Variants in TNS1 observed in about 807,000 individuals in gnomAD.
TNS1 encodes the protein tensin-1.
TNS1 carries 62 observed loss-of-function variants against 168.6 expected under a neutral mutation model. The observed-to-expected ratio is 0.37, with a 90% CI of 0.30 to 0.45. TNS1 has a LOEUF of 0.45. Ranked by LOEUF, TNS1 falls within the 20% of genes least tolerant of loss-of-function variation. TNS1 has a pLI of 1.00. For synonymous variants in TNS1, 934 were observed against 933.2 expected, an observed-to-expected ratio of 1.00 and a Z score of -0.02; for missense variants, 2,240 against 2,339.4, an observed-to-expected ratio of 0.96 and a Z score of 0.88.
intron 6 of TNS1, 150 bp downstream of exon 6, chr2:217,906,185 G>A: frequency 5.0e-6 from 3 of 601,762 alleles, no homozygotes; most frequent in Non-Finnish European, 8.9e-6. Flanking sequence ...CAGCCTGTAA[G>A]GAAATGGGCC....
chr2:217,816,242 C>T (rs182821544), intron 24 of TNS1, among the ~76,000 whole-genome samples: 39 of 152,228 alleles, frequency 2.6e-4, no homozygotes, highest in Middle Eastern at 3.4e-3. Flanking sequence ...CTTCCTTCAG[C>T]TTTTGGCACC....
intron 3 of TNS1, among the ~76,000 whole-genome samples, chr2:217,926,754 G>T (rs1956049099): frequency 6.6e-6 from 1 of 152,198 alleles, no homozygotes; most frequent in South Asian, 2.1e-4. Context: ...CCACCCACGA[G>T]GCAAGCATTA....
At chr2:217,895,848 G>T (rs1409469318) in intron 8 of TNS1, among the ~76,000 whole-genome samples, 3 of 152,190 alleles carry the variant, frequency 2.0e-5, no homozygotes, top group Non-Finnish European at 4.4e-5. Flanking sequence ...GTCATCTCCT[G>T]GGGAGAAAAG....
intron 1 of TNS1, among the ~76,000 whole-genome samples, chr2:218,008,831 CCTGCCTAATGGT>C (rs1958681647): frequency 6.6e-6 from 1 of 152,146 alleles, no homozygotes; most frequent in African/African-American, 2.4e-5. Context: ...CCAACTCTGG[CCTGCCTAATGGT>C]CTGCAAGATC....
At chr2:217,947,037 T>G (rs1301750959) in intron 3 of TNS1, among the ~76,000 whole-genome samples, 2 of 148,390 alleles carry the variant, frequency 1.3e-5, no homozygotes, top group African/African-American at 5.1e-5. Context: ...GCCCCCTGGC[T>G]CCCTCCTCCC....
At chr2:217,828,788 T>C (rs759100239) in intron 22 of TNS1, among the ~76,000 whole-genome samples, 1 of 152,224 alleles carries the variant, frequency 6.6e-6, no homozygotes, top group Non-Finnish European at 1.5e-5. Flanking sequence ...CAATGCATTA[T>C]TGTATACACG....
intron 1 of TNS1, among the ~76,000 whole-genome samples, chr2:218,015,863 G>A (rs1958755121): frequency 6.6e-6 from 1 of 152,234 alleles, no homozygotes; most frequent in Non-Finnish European, 1.5e-5. Context: ...GTCTTGATTA[G>A]CCCTCTGCCC....
intron 18 of TNS1, chr2:217,858,391 C>T: frequency 2.2e-6 from 1 of 453,862 alleles, no homozygotes; most frequent in Non-Finnish European, 2.9e-6. Context: ...CCTGCCCCTC[C>T]ACACCCTCCC....
chr2:217,924,295 G>GTT, intron 3 of TNS1, among the ~76,000 whole-genome samples: 1 of 151,014 alleles, frequency 6.6e-6, no homozygotes, highest in South Asian at 2.1e-4. Flanking sequence ...ATTCCCTTAT[G>GTT]TTTCTCTCTC....
At chr2:217,929,585 T>C (rs1026326669) in intron 3 of TNS1, among the ~76,000 whole-genome samples, 1 of 151,984 alleles carries the variant, frequency 6.6e-6, no homozygotes, top group Non-Finnish European at 1.5e-5. Flanking sequence ...CCCGTCAGCA[T>C]CCTGGTTTCA....
chr2:217,949,579 G>T lies in TNS1; in HGVS notation c.186+29186C>A, dbSNP rs968107451. The stretch of plus-strand genomic sequence containing the variant: ...TCCTGGAGACAAGAGAGAAAGCTGA[G>T]TAGATTCCTAGCCAGCAAGCAAAGG... On this transcript the variant is annotated intron_variant, in intron 3 of 32. Coordinates refer to ENST00000682258, the MANE Select transcript of TNS1 (RefSeq NM_001387777.1). Among the ~76,000 whole-genome samples, 6 of 152,232 alleles carry T rather than the reference G, an allele frequency of 3.9e-5. No individual in the cohort carries two copies. The South Asian group carries it at 1.0e-3, about 26-fold the overall frequency.
intron 17 of TNS1, chr2:217,881,274 C>A: frequency 2.4e-6 from 1 of 415,510 alleles, no homozygotes; most frequent in Non-Finnish European, 4.3e-6. Flanking sequence ...AATGAAGACC[C>A]CCTGGAAGAA....
chr2:217,813,227 C>T lies in TNS1; in HGVS notation c.4942G>A (p.Glu1648Lys), dbSNP rs1420883015. Residue 1648 changes from glutamate to lysine, a missense_variant, in exon 27 of 33, where the codon GAG becomes AAG. Glu to Lys is a moderately conservative substitution (Grantham distance 56). Coordinates refer to ENST00000682258, the MANE Select transcript of TNS1 (RefSeq NM_001387777.1). The surrounding 1 kb of genome is among the most constrained non-coding windows in gnomAD (Gnocchi z 4.0). ...GGGGACAGCTCACCGAAGTTTGGCT[C>T]ATTGGGGCAGCCCTTGAGCTTGACT... is the stretch of plus-strand genomic sequence containing the variant. ...RGVKLKGCPN[E>K]PNFGSLSALV... 2 of 1,603,176 alleles carry T rather than the reference C, an allele frequency of 1.2e-6. No homozygotes were observed. Among genetic ancestry groups the T allele is most frequent in the South Asian group, 2.3e-5 (2 of 88,768 alleles).
At chr2:217,878,753 G>A (rs1559286879) in intron 18 of TNS1, among the ~76,000 whole-genome samples, 1 of 152,184 alleles carries the variant, frequency 6.6e-6, no homozygotes, top group Admixed American at 6.5e-5. Context: ...TCAAACCGAG[G>A]CCCCAAGGAC....
At chr2:218,030,486 G>A (rs1419533761) in intron 1 of TNS1, among the ~76,000 whole-genome samples, 1 of 152,254 alleles carries the variant, frequency 6.6e-6, no homozygotes, top group African/African-American at 2.4e-5. Context: ...AAGGACCCGA[G>A]CTGTCTGCTT....
chr2:217,897,457 G>A (rs1267616148), intron 8 of TNS1, among the ~76,000 whole-genome samples: 2 of 152,232 alleles, frequency 1.3e-5, no homozygotes, highest in East Asian at 3.8e-4. Context: ...CTGCTGCAAA[G>A]GTTAAGTGCG....
At position 217,804,620 on chromosome 2, in the gene TNS1, G is replaced by T; in HGVS notation, c.5376-17C>A. 6.2e-7 allele frequency: 1 copy of T among 1,613,776 alleles called. No individual in the cohort carries two copies. The highest frequency in any genetic ancestry group is 2.2e-5 in the East Asian group (1 of 44,880). ...CCGAAGAGCCTGCAGGCGGGAGAGG[G>T]CAACGGGCATGAGGGAAGGGCAAGT... is the stretch of plus-strand genomic sequence containing the variant. On this transcript the variant is annotated splice_polypyrimidine_tract_variant and intron_variant, in intron 32 of 32. Transcript: ENST00000682258.
At position 217,866,317 on chromosome 2, in the gene TNS1, T is replaced by A. The variant is rs998891827; in HGVS notation, c.1429+14581A>T. On this transcript the variant is annotated intron_variant, in intron 18 of 32. Coordinates refer to ENST00000682258, the MANE Select transcript of TNS1 (RefSeq NM_001387777.1). The stretch of plus-strand genomic sequence containing the variant: ...GGTGATCCCTAAAGTCCTGTTTGGA[T>A]CTGGATCCTCAAGGATACAACTCAG... Among the ~76,000 whole-genome samples the A allele has an allele frequency of 2.0e-5, 3 of 152,306 alleles. No individual in the cohort carries two copies. In the East Asian group the frequency reaches 5.8e-4, roughly 29 times the overall value.
upstream of TNS1, among the ~76,000 whole-genome samples, chr2:218,006,534 G>A (rs918317156): frequency 8.5e-5 from 13 of 152,360 alleles, no homozygotes; most frequent in African/African-American, 2.9e-4. Flanking sequence ...AGGTAACAGA[G>A]CATTTTAAAG....
Sources: allele counts gnomAD v4.1 joint callset (sites outside exome capture counted in the v4.1 genomes callset), GRCh38; gene constraint gnomAD v4.1.1; non-coding constraint Gnocchi (gnomAD v3.1); transcripts MANE v1.5; gene names NCBI Gene and HGNC (gene_info 2026-07-23, HGNC 2026-07-21).